Variants in MACROD1 observed in about 807,000 individuals in gnomAD.
The protein encoded by MACROD1 is ADP-ribose glycohydrolase MACROD1.
In MACROD1, 31 loss-of-function variants were observed where a neutral mutation model predicts 41.4. The ratio of observed to expected loss-of-function variants is 0.75; its 90% CI spans 0.56 to 1.01. The LOEUF (loss-of-function observed/expected upper bound fraction) is 1.01. MACROD1 is among the 50% of genes least tolerant of loss of function. MACROD1 has a pLI of 0.00. For synonymous variants in MACROD1, 252 were observed against 203.4 expected (o/e 1.24, Z -2.03); for missense variants, 473 against 460.0 (o/e 1.03, Z -0.26).
intron 3 of MACROD1, chr11:64,103,988 G>C (rs11231696): frequency 6.6e-6 from 1 of 152,294 alleles, no homozygotes; most frequent in African/African-American, 2.4e-5. Flanking sequence ...GGGAGCCCCA[G>C]TGCTGCCCAG....
chr11:64,014,872 G>A (rs895167905), intron 4 of MACROD1, among the ~76,000 whole-genome samples: 3 of 152,208 alleles, frequency 2.0e-5, no homozygotes, highest in East Asian at 1.9e-4. Flanking sequence ...TGCGGAGCCC[G>A]AGGTCCAAGG....
chr11:64,112,182 C>A (rs599549), intron 3 of MACROD1, among the ~76,000 whole-genome samples: 9,774 of 152,222 alleles, frequency 0.064, 394 homozygotes, highest in Middle Eastern at 0.13. Flanking sequence ...CAAATCCCTG[C>A]CCTTGTAGAG....
At chr11:64,129,859 G>A (rs984570058) in intron 3 of MACROD1, among the ~76,000 whole-genome samples, 2 of 152,138 alleles carry the variant, frequency 1.3e-5, no homozygotes, top group African/African-American at 4.8e-5. Flanking sequence ...CCGCACAGGA[G>A]GGAATTGCCA....
In MACROD1 at chr11:64,120,621, G is replaced by A. The variant is rs1270656938; in HGVS notation, c.517+30618C>T. On this transcript the variant is annotated intron_variant, in intron 3 of 10. Transcript: ENST00000255681. This position sits in a 1 kb window ranked among gnomAD's most constrained non-coding sequence, Gnocchi z 4.5. ...AATCGCTTGAACCAGGGAGGCAGAG[G>A]CTGCAGTGAACCGAGATTGCGCCAC... Among the ~76,000 whole-genome samples the A allele has an allele frequency of 6.6e-6, 1 of 152,060 alleles. No homozygotes were observed. The highest frequency in any genetic ancestry group is 2.1e-4 in the South Asian group (1 of 4,826).
intron 1 of MACROD1, among the ~76,000 whole-genome samples, chr11:64,164,197 C>T (rs1245222577): frequency 1.3e-5 from 2 of 152,226 alleles, no homozygotes; most frequent in African/African-American, 4.8e-5. Context: ...AGCCTGACCA[C>T]CTAGGGGGCG....
At chr11:64,010,401 G>T (rs1412614778) in intron 4 of MACROD1, among the ~76,000 whole-genome samples, 1 of 150,508 alleles carries the variant, frequency 6.6e-6, no homozygotes, top group Non-Finnish European at 1.5e-5. Context: ...TGACCGGGGT[G>T]TTGGCTGGAG....
intron 3 of MACROD1, among the ~76,000 whole-genome samples, chr11:64,137,555 T>C (rs879507620): frequency 4.6e-5 from 7 of 152,176 alleles, no homozygotes; most frequent in Non-Finnish European, 8.8e-5. Flanking sequence ...CATATTCAGT[T>C]GCAACAGATT....
At chr11:64,081,563 G>C (rs759035722) in intron 3 of MACROD1, 2 of 152,430 alleles carry the variant, frequency 1.3e-5, no homozygotes, top group Non-Finnish European at 2.9e-5. Flanking sequence ...CACATATCAT[G>C]GGTATTATCA....
intron 4 of MACROD1, among the ~76,000 whole-genome samples, chr11:64,000,919 C>G (rs1590787559): frequency 6.6e-6 from 1 of 152,204 alleles, no homozygotes; most frequent in Non-Finnish European, 1.5e-5. Flanking sequence ...AGATCTGTAG[C>G]TGGAGTCTGG....
chr11:64,106,876 ATTTAT>A (rs1164075905), intron 3 of MACROD1, among the ~76,000 whole-genome samples: 54 of 150,608 alleles, frequency 3.6e-4, no homozygotes, highest in East Asian at 1.2e-3. Context: ...GCTTTCTTTT[ATTTAT>A]TTTATTTTAT....
chr11:64,126,372 T>TG (rs1484411838), intron 3 of MACROD1, among the ~76,000 whole-genome samples: 1 of 151,710 alleles, frequency 6.6e-6, no homozygotes, highest in Non-Finnish European at 1.5e-5. Flanking sequence ...GGTGGAGTGG[T>TG]GTGTGGCGTC....
At chr11:64,014,775 G>C (rs1278617113) in intron 4 of MACROD1, among the ~76,000 whole-genome samples, 1 of 152,242 alleles carries the variant, frequency 6.6e-6, no homozygotes, top group Non-Finnish European at 1.5e-5. Flanking sequence ...CCTGCTCCGT[G>C]GTGGTCGTTA....
At chr11:64,001,640 G>T (rs558542930) in intron 4 of MACROD1, 1 of 701,010 alleles carries the variant, frequency 1.4e-6, no homozygotes, top group African/African-American at 1.7e-5. Flanking sequence ...CCCAGGGATG[G>T]GTGGGCAGAG....
At chr11:64,057,143 G>A (rs180798868) in intron 3 of MACROD1, among the ~76,000 whole-genome samples, 32 of 152,308 alleles carry the variant, frequency 2.1e-4, no homozygotes, top group African/African-American at 7.5e-4. Context: ...TGCTGGACCC[G>A]GGTGCCCCTG....
rs72916384 is a variant in MACROD1, at chr11:64,020,494, G to T, written c.518-5213C>A. ...AGACTGGCTCCTTGCAGACCCCCAGGCCCCATCGACCATCTCCTCCCCTTC... is the reference window on the plus strand; with the variant it reads ...AGACTGGCTCCTTGCAGACCCCCAGTCCCCATCGACCATCTCCTCCCCTTC... On this transcript the variant is annotated intron_variant, in intron 3 of 10. Transcript: ENST00000255681. Among the ~76,000 whole-genome samples the T allele has an allele frequency of 3.6e-3, 543 of 152,082 alleles. 1 individual carries two copies. Among genetic ancestry groups the T allele is most frequent in the Non-Finnish European group, 6.3e-3 (431 of 67,990 alleles).
chr11:64,121,260 T>C (rs1945093339), intron 3 of MACROD1, among the ~76,000 whole-genome samples: 1 of 152,142 alleles, frequency 6.6e-6, no homozygotes, highest in Non-Finnish European at 1.5e-5. Flanking sequence ...CACGCGAGTC[T>C]CCTGTTCCTG....
At chr11:64,157,376 G>A (rs1179076162) in intron 1 of MACROD1, among the ~76,000 whole-genome samples, 1 of 152,190 alleles carries the variant, frequency 6.6e-6, no homozygotes, top group African/African-American at 2.4e-5. Context: ...TTACAGGCGT[G>A]AGCCACCGCG....
intron 3 of MACROD1, among the ~76,000 whole-genome samples, chr11:64,042,581 G>C (rs1226033359): frequency 6.6e-6 from 1 of 152,112 alleles, no homozygotes; most frequent in Non-Finnish European, 1.5e-5. Context: ...CCAATGGGGG[G>C]CTGGCCTGGT....
chr11:64,049,784 G>C (rs1294481450), intron 3 of MACROD1, among the ~76,000 whole-genome samples: 1 of 152,198 alleles, frequency 6.6e-6, no homozygotes, highest in Non-Finnish European at 1.5e-5. Flanking sequence ...GCCAGCCTGT[G>C]GGGGACCCAC....
Sources: gnomAD v4.1 joint callset for allele counts (sites outside exome capture counted in the v4.1 genomes callset) on GRCh38, gnomAD v4.1.1 for gene constraint, Gnocchi (gnomAD v3.1) non-coding constraint, MANE v1.5 for transcripts, NCBI Gene and HGNC (gene_info 2026-07-23, HGNC 2026-07-21) for gene names.